Variants in OTULINL observed in about 807,000 individuals in gnomAD.
The protein encoded by OTULINL is inactive ubiquitin thioesterase OTULINL.
Under a neutral mutation model 43.9 loss-of-function variants are expected in OTULINL, and 42 were observed. The ratio of observed to expected loss-of-function variants is 0.96; its 90% CI spans 0.75 to 1.24. OTULINL has a LOEUF of 1.24. Ranked by LOEUF, OTULINL falls within the 50% of genes most tolerant of loss-of-function variation. The pLI is 0.00. For missense variants in OTULINL, 411 were observed against 426.4 expected (o/e 0.96, Z 0.32); for synonymous variants, 172 against 153.6 (o/e 1.12, Z -0.88).
intron 1 of OTULINL, among the ~76,000 whole-genome samples, chr5:14,599,226 C>T (rs867858942): frequency 2.0e-5 from 3 of 152,194 alleles, no homozygotes; most frequent in Non-Finnish European, 4.4e-5. Context: ...CCATGGCTCA[C>T]GCCTGTAATC....
chr5:14,612,027 A>G lies in OTULINL; in HGVS notation c.*1713A>G, dbSNP rs1319389189. On this transcript the variant is annotated 3_prime_UTR_variant, in exon 8 of 8. Coordinates refer to ENST00000274217, the MANE Select transcript of OTULINL (RefSeq NM_019018.3). ...CTGTCATTTTGTTTTCTGGTTGAAG[A>G]TTAATGAGCTCAGCCACAGAAACAA... is the stretch of plus-strand genomic sequence containing the variant. The G allele has an allele frequency of 6.6e-6, 1 of 152,240 alleles. No individual in the cohort carries two copies. Among genetic ancestry groups the G allele is most frequent in the African/African-American group, 2.4e-5 (1 of 41,464 alleles). The allele number at this position is 152,240 out of a possible 1,614,324, so 9.4% of individuals were successfully genotyped here.
At chr5:14,588,401 AC>A (rs1759143789) in intron 1 of OTULINL, among the ~76,000 whole-genome samples, 1 of 151,890 alleles carries the variant, frequency 6.6e-6, no homozygotes, top group South Asian at 2.1e-4. Flanking sequence ...TCCTCATTTC[AC>A]TACCTTGAAA....
At position 14,615,422 on chromosome 5, in the gene OTULINL, G is replaced by A. The variant is rs923122428; in HGVS notation, c.*5108G>A. On this transcript the variant is annotated 3_prime_UTR_variant, in exon 8 of 8. Coordinates refer to ENST00000274217, the MANE Select transcript of OTULINL (RefSeq NM_019018.3). ...TAAGATTCATGGAAAGAACCCCAGGGCAAGGTGAGGAGAAGCAGCTGGTAC... is the reference window on the plus strand; with the variant it reads ...TAAGATTCATGGAAAGAACCCCAGGACAAGGTGAGGAGAAGCAGCTGGTAC... Among the ~76,000 whole-genome samples the A allele has an allele frequency of 9.2e-5, 14 of 152,192 alleles. No homozygotes were observed. The highest frequency in any genetic ancestry group is 3.4e-4 in the African/African-American group (14 of 41,438).
chr5:14,607,769 C>T (rs573494995), intron 6 of OTULINL, among the ~76,000 whole-genome samples: 6 of 152,284 alleles, frequency 3.9e-5, no homozygotes, highest in African/African-American at 1.4e-4. Context: ...AGGCAAGGTG[C>T]TCAGAAATGC....
chr5:14,609,059 C>T (rs988141187), intron 7 of OTULINL, 42 bp downstream of exon 7: 1 of 1,576,992 alleles, frequency 6.3e-7, no homozygotes, highest in African/African-American at 1.4e-5. Context: ...ATTAAGGATG[C>T]TGTGGCACTA....
At chr5:14,587,950 C>A (rs1289459709) in intron 1 of OTULINL, among the ~76,000 whole-genome samples, 3 of 152,110 alleles carry the variant, frequency 2.0e-5, no homozygotes. Context: ...ATTTAGCAGC[C>A]TTTTTGAAGC....
At chr5:14,596,726 A>G (rs1295951862) in intron 1 of OTULINL, among the ~76,000 whole-genome samples, 4 of 152,160 alleles carry the variant, frequency 2.6e-5, no homozygotes, top group African/African-American at 9.7e-5. Flanking sequence ...GGTGATTTAT[A>G]AGGAAAACAA....
chr5:14,582,161 C>T (rs1014635208), intron 1 of OTULINL, among the ~76,000 whole-genome samples: 1 of 151,968 alleles, frequency 6.6e-6, no homozygotes, highest in Non-Finnish European at 1.5e-5. Context: ...CACTCGGGGT[C>T]GAGCCGCTGT....
chr5:14,604,412 C>G (rs148161264), intron 5 of OTULINL, among the ~76,000 whole-genome samples: 4,191 of 152,154 alleles, frequency 0.028, 106 homozygotes, highest in Non-Finnish European at 0.039. Context: ...CACCCCTGGC[C>G]CCTCCCAAAT....
intron 1 of OTULINL, among the ~76,000 whole-genome samples, chr5:14,584,712 C>T (rs898805676): frequency 6.6e-6 from 1 of 152,108 alleles, no homozygotes; most frequent in South Asian, 2.1e-4. Flanking sequence ...TTGAAGAAAC[C>T]AAGTCACACA....
At position 14,610,279 on chromosome 5, in the gene OTULINL, G is replaced by T; in HGVS notation, c.1036G>T (p.Glu346Ter). The change falls in exon 8 of 8, where the codon GAG becomes TAG. Residue 346 changes from glutamate to a stop codon, truncating the protein, a stop_gained. Coordinates refer to ENST00000274217, the MANE Select transcript of OTULINL (RefSeq NM_019018.3). LOFTEE classifies it high-confidence loss of function. ...RDWPEISLLTENDRHYHIPVF is the reference protein window; with the variant it reads ...RDWPEISLLT Reference sequence around the variant, plus strand: ...CTGGCCGGAGATCTCCCTGCTGACCGAGAACGACCGCCACTACCACATTCC... The same window carrying T: ...CTGGCCGGAGATCTCCCTGCTGACCTAGAACGACCGCCACTACCACATTCC... 6.2e-7 allele frequency: 1 copy of T among 1,612,492 alleles called. No homozygotes were observed. The highest frequency in any genetic ancestry group is 8.5e-7 in the Non-Finnish European group (1 of 1,179,388).
intron 1 of OTULINL, among the ~76,000 whole-genome samples, chr5:14,582,756 A>T (rs1032362823): frequency 7.3e-6 from 1 of 137,626 alleles, no homozygotes; most frequent in Admixed American, 8.0e-5. Context: ...CGGAGGTTGC[A>T]GTGAGCCGAG....
intron 1 of OTULINL, among the ~76,000 whole-genome samples, chr5:14,594,136 G>A (rs1306936992): frequency 1.3e-5 from 2 of 152,092 alleles, no homozygotes; most frequent in Non-Finnish European, 2.9e-5. Flanking sequence ...CCCGTAACTG[G>A]TAGAAAAACA....
chr5:14,601,244 A>C lies in OTULINL; in HGVS notation c.256A>C (p.Arg86=). 1 of 1,611,850 alleles carries C rather than the reference A, an allele frequency of 6.2e-7. No individual in the cohort carries two copies. Among genetic ancestry groups the C allele is most frequent in the Non-Finnish European group, 8.5e-7 (1 of 1,178,666 alleles). Reference sequence around the variant, plus strand: ...TGGATATCTGCAGAGAAAATTCAAAAGTAAATATTTTCATTCATTTATTTC... The same window carrying C: ...TGGATATCTGCAGAGAAAATTCAAACGTAAATATTTTCATTCATTTATTTC... ...WIGYLQRKFK[R]NLSVEAEVDL... The change falls in exon 3 of 8, where the codon AGG becomes CGG. Residue 86 remains arginine (R), a splice_region_variant and synonymous_variant. Transcript: ENST00000274217.
intron 6 of OTULINL, among the ~76,000 whole-genome samples, chr5:14,607,686 G>A (rs1300838467): frequency 1.3e-5 from 2 of 152,162 alleles, no homozygotes; most frequent in African/African-American, 4.8e-5. Context: ...AGGGTCGGGG[G>A]CTTCTATGGG....
chr5:14,615,341 G>A lies in OTULINL; in HGVS notation c.*5027G>A, dbSNP rs186947753. On this transcript the variant is annotated 3_prime_UTR_variant, in exon 8 of 8. Transcript: ENST00000274217. ...CAAGTCCATGCCAGGTCATGGCTTC[G>A]TCCGCCTCCCAGCATGTACCTGGAC... Among the ~76,000 whole-genome samples the A allele has an allele frequency of 9.3e-4, 141 of 152,310 alleles. 1 individual carries two copies. Among genetic ancestry groups the A allele is most frequent in the African/African-American group, 2.9e-3 (121 of 41,566 alleles).
Position 14,601,106 on chromosome 5 carries a change from C to G in OTULINL, c.206C>G (p.Ser69Ter), listed in dbSNP as rs1357650166. Residue 69 changes from serine to a stop codon, truncating the protein, a stop_gained, in exon 2 of 8, where the codon TCA (serine) becomes TGA (stop). Coordinates refer to ENST00000274217, the MANE Select transcript of OTULINL (RefSeq NM_019018.3). LOFTEE classifies it high-confidence loss of function. ...TACTTCCGGAGGCTACATTTATATT[C>G]AGGGCACAAGCTGAAATGGTAGGTC... is the stretch of plus-strand genomic sequence containing the variant. ...ICYFRRLHLY[S>*]GHKLKWWIGY... 1 of 1,611,938 alleles carries G rather than the reference C, an allele frequency of 6.2e-7. No individual in the cohort carries two copies. Among genetic ancestry groups the G allele is most frequent in the Non-Finnish European group, 8.5e-7 (1 of 1,179,300 alleles).
intron 6 of OTULINL, among the ~76,000 whole-genome samples, chr5:14,607,674 A>G (rs376230262): frequency 1.3e-5 from 2 of 152,196 alleles, no homozygotes; most frequent in Non-Finnish European, 2.9e-5. Context: ...ATTAGGCCCT[A>G]TAGGGTCGGG....
rs544014020 is a variant in OTULINL, at chr5:14,588,050, C to G, written c.64+6092C>G. ...GGTTTAATAGATCTGTAGGACCCAG[C>G]ATGAACTTCCAAGGGTCGGGGTATT... On this transcript the variant is annotated intron_variant, in intron 1 of 7. Transcript: ENST00000274217. Among the ~76,000 whole-genome samples the G allele has an allele frequency of 2.6e-5, 4 of 152,268 alleles. No individual in the cohort carries two copies. The East Asian group carries it at 7.7e-4, about 29-fold the overall frequency.
Sources: gnomAD v4.1 joint callset for allele counts (sites outside exome capture counted in the v4.1 genomes callset) on GRCh38, gnomAD v4.1.1 for gene constraint, MANE v1.5 for transcripts, NCBI Gene and HGNC (gene_info 2026-07-23, HGNC 2026-07-21) for gene names.